TNFRSF10A: variants seen among roughly 807,000 people sequenced by gnomAD.
TNFRSF10A encodes the protein tumor necrosis factor receptor superfamily member 10A.
TNFRSF10A carries 44 observed loss-of-function variants against 42.8 expected under a neutral mutation model. The ratio of observed to expected loss-of-function variants is 1.03; its 90% CI spans 0.81 to 1.32. The LOEUF is 1.32. Among genes scored for constraint, TNFRSF10A ranks in the 40% most tolerant of loss-of-function variants. The pLI is 0.00. For missense variants in TNFRSF10A, 680 were observed against 602.0 expected, an observed-to-expected ratio of 1.13 and a Z score of -1.36; for synonymous variants, 259 against 234.2, an observed-to-expected ratio of 1.11 and a Z score of -0.97.
intron 8 of TNFRSF10A, among the ~76,000 whole-genome samples, chr8:23,198,861 T>C (rs1328549951): frequency 6.6e-6 from 1 of 152,238 alleles, no homozygotes; most frequent in Non-Finnish European, 1.5e-5. Context: ...TACAACCATA[T>C]GCAGAAATTT....
chr8:23,199,345 TCA>T lies in TNFRSF10A; in HGVS notation c.933_934del (p.Glu312AlafsTer32). ...CGGCTCCTGGCTTTCCATTTGCTGC[TCA>T]GAGACGAAAGTGGACAGCGAGTCTG... On this transcript the variant is annotated frameshift_variant, in exon 8 of 10. Transcript: ENST00000221132. LOFTEE classifies it high-confidence loss of function. 1.2e-6 allele frequency: 2 copies of T among 1,614,168 alleles called. No individual in the cohort carries two copies. The highest frequency in any genetic ancestry group is 1.7e-6 in the Non-Finnish European group (2 of 1,180,008).
chr8:23,220,179 T>G (rs1801238075), intron 1 of TNFRSF10A, among the ~76,000 whole-genome samples: 1 of 152,204 alleles, frequency 6.6e-6, no homozygotes, highest in Non-Finnish European at 1.5e-5. Flanking sequence ...AACAGGCAGC[T>G]GCTATTATCA....
chr8:23,195,118 C>T (rs957330487), intron 9 of TNFRSF10A, among the ~76,000 whole-genome samples: 1 of 152,192 alleles, frequency 6.6e-6, no homozygotes, highest in Non-Finnish European at 1.5e-5. Context: ...GAGATTGCAC[C>T]ACTGCACTCC....
intron 9 of TNFRSF10A, among the ~76,000 whole-genome samples, 161 bp from the exon 10 acceptor site, chr8:23,192,174 G>C (rs1800764660): frequency 6.6e-6 from 1 of 152,156 alleles, no homozygotes; most frequent in Non-Finnish European, 1.5e-5. Flanking sequence ...CATCCACAGA[G>C]AGCCCACCCA....
chr8:23,216,667 G>A (rs1260322375), intron 1 of TNFRSF10A, among the ~76,000 whole-genome samples: 1 of 151,898 alleles, frequency 6.6e-6, no homozygotes, highest in Non-Finnish European at 1.5e-5. Flanking sequence ...ACTTGAACCC[G>A]GGAGGCAGAG....
At chr8:23,200,434 T>C in intron 6 of TNFRSF10A, 71 bp downstream of exon 6, 1 of 1,564,876 alleles carries the variant, frequency 6.4e-7, no homozygotes, top group African/African-American at 1.4e-5. Context: ...GGGGTGAGCG[T>C]TTCTGTCTGT....
rs774439798 is a variant in TNFRSF10A, at chr8:23,200,512, G to A, written c.792C>T (p.Ile264=). The A allele has an allele frequency of 6.2e-6, 10 of 1,614,174 alleles. No individual in the cohort carries two copies. Among genetic ancestry groups the A allele is most frequent in the Middle Eastern group, 1.6e-4 (1 of 6,062 alleles). The change falls in exon 6 of 10, where the codon ATC becomes ATT. Residue 264 remains isoleucine, a synonymous_variant. Coordinates refer to ENST00000221132, the MANE Select transcript of TNFRSF10A (RefSeq NM_003844.4). ...CCCTCAGCCAGCACCTACCTGAGCC[G>A]ATGCAACAACAGACAATCAGCACAG... ...LVAVLIVCCC[I]GSGCGGDPKC...
chr8:23,200,496 A>G lies in TNFRSF10A; in HGVS notation c.799+9T>C. On this transcript the variant is annotated intron_variant, in intron 6 of 9. Coordinates refer to ENST00000221132, the MANE Select transcript of TNFRSF10A (RefSeq NM_003844.4). The stretch of plus-strand genomic sequence containing the variant: ...GTGCCCAGAGCCCTTGCCCTCAGCC[A>G]GCACCTACCTGAGCCGATGCAACAA... 6.2e-7 allele frequency: 1 copy of G among 1,614,190 alleles called. No homozygotes were observed. Among genetic ancestry groups the G allele is most frequent in the East Asian group, 2.2e-5 (1 of 44,884 alleles).
intron 1 of TNFRSF10A, among the ~76,000 whole-genome samples, chr8:23,214,997 G>C (rs1317150562): frequency 6.6e-6 from 1 of 152,190 alleles, no homozygotes; most frequent in Non-Finnish European, 1.5e-5. Flanking sequence ...CTGAGGATTA[G>C]CTGGTAGTAA....
intron 1 of TNFRSF10A, among the ~76,000 whole-genome samples, chr8:23,219,991 C>G (rs1247520061): frequency 6.6e-6 from 1 of 152,230 alleles, no homozygotes; most frequent in Non-Finnish European, 1.5e-5. Flanking sequence ...CACACTTTCC[C>G]TCTCTGAGCT....
At chr8:23,205,388 C>T (rs1800989489) in intron 2 of TNFRSF10A, among the ~76,000 whole-genome samples, 1 of 151,980 alleles carries the variant, frequency 6.6e-6, no homozygotes. Context: ...ACTTCACTGC[C>T]AGTTAAAAGT....
chr8:23,201,779 T>C, intron 4 of TNFRSF10A, 29 bp downstream of exon 4: 1 of 1,603,640 alleles, frequency 6.2e-7, no homozygotes. Flanking sequence ...TCTTTGAGGC[T>C]GCTGGGAGCC....
In TNFRSF10A at chr8:23,200,771, A is replaced by G. The variant is rs1274653373; in HGVS notation, c.630-11T>C. The stretch of plus-strand genomic sequence containing the variant: ...ATCCCTCTGGGGCACCTGGGTACAC[A>G]CAGGGAGGGAGGGGGGGGACTCTTG... On this transcript the variant is annotated splice_polypyrimidine_tract_variant and intron_variant, in intron 4 of 9. Transcript: ENST00000221132. The G allele has an allele frequency of 7.9e-6, 7 of 889,874 alleles. No homozygotes were observed. The South Asian group carries it at 9.1e-5, about 12-fold the overall frequency. 55.1% of individuals were successfully genotyped at this position (889,874 alleles called of 1,614,324 possible). A position where few individuals can be genotyped will look rare whatever the true frequency, so the allele number is the denominator to read the frequency against.
Position 23,191,919 on chromosome 8 carries a change from G to T in TNFRSF10A, c.1182C>A (p.Ile394=), listed in dbSNP as rs776854767. 4 of 1,614,106 alleles carry T rather than the reference G, an allele frequency of 2.5e-6. No individual in the cohort carries two copies. Among genetic ancestry groups the T allele is most frequent in the South Asian group, 1.1e-5 (1 of 91,076 alleles). ...MRQLDLTKNE[I]DVVRAGTAGP... ...CTGCTGTACCAGCTCTGACCACATC[G>T]ATCTCATTTTTCGTGAGGTCCAGCT... is the stretch of plus-strand genomic sequence containing the variant. The change falls in exon 10 of 10, where the codon ATC becomes ATA. Residue 394 remains isoleucine, a synonymous_variant. Coordinates refer to ENST00000221132, the MANE Select transcript of TNFRSF10A (RefSeq NM_003844.4).
intron 7 of TNFRSF10A, 29 bp from the exon 8 acceptor site, chr8:23,199,477 G>T: frequency 6.2e-7 from 1 of 1,600,084 alleles, no homozygotes; most frequent in Non-Finnish European, 8.6e-7. Context: ...CAACTCAGAA[G>T]CCCACACCCA....
intron 1 of TNFRSF10A, among the ~76,000 whole-genome samples, chr8:23,217,942 G>A (rs1801207495): frequency 6.6e-6 from 1 of 152,190 alleles, no homozygotes; most frequent in Admixed American, 6.5e-5. Context: ...GACATAGAGG[G>A]AAAGGTCCAC....
intron 2 of TNFRSF10A, among the ~76,000 whole-genome samples, chr8:23,205,711 CTT>C (rs35059862): frequency 6.9e-5 from 9 of 130,830 alleles, no homozygotes; most frequent in African/African-American, 5.7e-5. Context: ...GTCTGTGTTT[CTT>C]TTTTTTTTTT....
intron 1 of TNFRSF10A, among the ~76,000 whole-genome samples, chr8:23,216,471 C>T (rs926058322): frequency 1.3e-5 from 2 of 152,044 alleles, no homozygotes; most frequent in East Asian, 1.9e-4. Context: ...AGGCCAGGCA[C>T]GGTGGCTCAC....
intron 2 of TNFRSF10A, among the ~76,000 whole-genome samples, chr8:23,207,818 C>T (rs1801038729): frequency 6.6e-6 from 1 of 151,866 alleles, no homozygotes; most frequent in African/African-American, 2.4e-5. Flanking sequence ...TAAGACTTCC[C>T]CAGCCACGTA....
Sources: gnomAD v4.1 joint callset for allele counts (sites outside exome capture counted in the v4.1 genomes callset) on GRCh38, gnomAD v4.1.1 for gene constraint, MANE v1.5 for transcripts, NCBI Gene and HGNC (gene_info 2026-07-23, HGNC 2026-07-21) for gene names.